The following SCD5 variants were observed in gnomAD, a reference collection of about 807,000 sequenced individuals.
SCD5 encodes stearoyl-CoA desaturase 5, also known as acyl-CoA-desaturase 4.
In SCD5, 20 loss-of-function variants were observed where a neutral mutation model predicts 30.4. That is an observed-to-expected ratio of 0.66 (90% CI 0.46 to 0.96). The LOEUF (loss-of-function observed/expected upper bound fraction) is 0.96. Ranked by LOEUF, SCD5 falls within the 40% of genes least tolerant of loss-of-function variation. The pLI is 0.00. For missense variants in SCD5, 381 were observed against 443.3 expected (o/e 0.86, Z 1.26); for synonymous variants, 173 against 176.4 (o/e 0.98, Z 0.16).
intron 3 of SCD5, among the ~76,000 whole-genome samples, chr4:82,642,774 C>A (rs1727571209): frequency 6.6e-6 from 1 of 152,250 alleles, no homozygotes. Context: ...GCACCCACTG[C>A]TGCAGACCAA....
chr4:82,758,547 C>T (rs1239082106), intron 1 of SCD5, among the ~76,000 whole-genome samples: 1 of 152,076 alleles, frequency 6.6e-6, no homozygotes, highest in African/African-American at 2.4e-5. Flanking sequence ...GGGGAAGAAA[C>T]TTAACATTCA....
At chr4:82,640,026 C>T (rs1727508930) in intron 3 of SCD5, among the ~76,000 whole-genome samples, 1 of 152,164 alleles carries the variant, frequency 6.6e-6, no homozygotes, top group South Asian at 2.1e-4. Flanking sequence ...TCATGAAGGC[C>T]CCAGGCACAG....
intron 1 of SCD5, among the ~76,000 whole-genome samples, chr4:82,720,795 T>TC (rs1331829006): frequency 6.6e-6 from 1 of 152,168 alleles, no homozygotes; most frequent in African/African-American, 2.4e-5. Context: ...CAGCCTGCAT[T>TC]CAATGCTTAG....
At position 82,756,086 on chromosome 4, in the gene SCD5, G is replaced by A. The variant is rs76514022; in HGVS notation, c.232+42220C>T. Reference sequence around the variant, plus strand: ...CTCCAGGAGGAAGGGCACAGCCTGAGATGCCTTCCTCCTCTGGGTGTCCAC... The same window carrying A: ...CTCCAGGAGGAAGGGCACAGCCTGAAATGCCTTCCTCCTCTGGGTGTCCAC... On this transcript the variant is annotated intron_variant, in intron 1 of 4. Transcript: ENST00000319540. Among the ~76,000 whole-genome samples the A allele has an allele frequency of 2.3e-4, 35 of 152,324 alleles. No individual in the cohort carries two copies. The East Asian group carries it at 6.2e-3, about 27-fold the overall frequency.
intron 3 of SCD5, among the ~76,000 whole-genome samples, chr4:82,655,543 G>A (rs987173297): frequency 1.8e-4 from 28 of 152,298 alleles, no homozygotes; most frequent in African/African-American, 6.3e-4. Flanking sequence ...TAATTAGGAT[G>A]AAAACAAAAG....
intron 1 of SCD5, among the ~76,000 whole-genome samples, chr4:82,792,309 A>G (rs892318539): frequency 4.6e-5 from 7 of 152,240 alleles, no homozygotes; most frequent in African/African-American, 1.7e-4. Context: ...AAGTACTCCA[A>G]GTCGGAGACA....
At chr4:82,759,305 C>T (rs1248882343) in intron 1 of SCD5, among the ~76,000 whole-genome samples, 3 of 152,158 alleles carry the variant, frequency 2.0e-5, no homozygotes, top group Admixed American at 2.0e-4. Context: ...CGTCTTTTTC[C>T]CCACCATGTG....
chr4:82,777,267 G>A (rs1186178087), intron 1 of SCD5, among the ~76,000 whole-genome samples: 1 of 152,236 alleles, frequency 6.6e-6, no homozygotes, highest in Non-Finnish European at 1.5e-5. Flanking sequence ...CTGAGAAAGT[G>A]TCAAGTTTCC....
Position 82,782,789 on chromosome 4 carries a change from C to A in SCD5, c.232+15517G>T, listed in dbSNP as rs1218827296. ...AAATATGTGCTGAAAGCACTTTACA[C>A]CAACGTGTGGATTCCTGTGGAGGGA... On this transcript the variant is annotated intron_variant, in intron 1 of 4. Transcript: ENST00000319540. 2.6e-5 allele frequency among the ~76,000 whole-genome samples: 4 copies of A among 152,230 alleles called. No individual in the cohort carries two copies. The East Asian group carries it at 7.7e-4, about 29-fold the overall frequency.
intron 3 of SCD5, among the ~76,000 whole-genome samples, chr4:82,644,456 G>A (rs147401994): frequency 6.6e-6 from 1 of 152,284 alleles, no homozygotes; most frequent in African/African-American, 2.4e-5. Flanking sequence ...CAGCAGAAAG[G>A]CCAACTCTCC....
At chr4:82,762,261 AT>A (rs111938937) in intron 1 of SCD5, among the ~76,000 whole-genome samples, 1 of 137,856 alleles carries the variant, frequency 7.3e-6, no homozygotes. Context: ...CAAGGGGCTA[AT>A]TTTTTTTTTA....
In SCD5 at chr4:82,721,505, T is replaced by C. The variant is rs1396811577; in HGVS notation, c.233-16092A>G. Among the ~76,000 whole-genome samples the C allele has an allele frequency of 3.3e-5, 5 of 152,170 alleles. No individual in the cohort carries two copies. The East Asian group carries it at 9.6e-4, about 29-fold the overall frequency. On this transcript the variant is annotated intron_variant, in intron 1 of 4. Coordinates refer to ENST00000319540, the MANE Select transcript of SCD5 (RefSeq NM_001037582.3). ...AATGTGACTTGACGTGGAGGTAGGG[T>C]GTTTACAGAGGTAATCAAGTTAAAA...
chr4:82,752,658 C>T (rs34826594), intron 1 of SCD5, among the ~76,000 whole-genome samples: 1 of 152,130 alleles, frequency 6.6e-6, no homozygotes, highest in Non-Finnish European at 1.5e-5. Context: ...CTCACCAAAA[C>T]TGGACCTGGA....
Position 82,798,607 on chromosome 4 carries a change from TG to T in SCD5, c.-71del. The T allele has an allele frequency of 7.3e-7, 1 of 1,370,220 alleles. No individual in the cohort carries two copies. Among genetic ancestry groups the T allele is most frequent in the East Asian group, 2.5e-5 (1 of 39,642 alleles). The allele number at this position is 1,370,220 out of a possible 1,614,324, so 84.9% of individuals were successfully genotyped here. A position where few individuals can be genotyped will look rare whatever the true frequency, so the allele number is the denominator to read the frequency against. ...GCTCTGCCCGAGCGGAGCTCGAGGG[TG>T]GGGGCGGGGGCTTCTGCCTTTTAGG... On this transcript the variant is annotated 5_prime_UTR_variant, in exon 1 of 5. Coordinates refer to ENST00000319540, the MANE Select transcript of SCD5 (RefSeq NM_001037582.3).
At chr4:82,635,617 CTT>C (rs1727410313) in intron 4 of SCD5, among the ~76,000 whole-genome samples, 2 of 16,310 alleles carry the variant, frequency 1.2e-4, no homozygotes, top group Non-Finnish European at 1.9e-4. Flanking sequence ...GAGACTCCGT[CTT>C]AAAAAAAAAA....
At position 82,711,441 on chromosome 4, in the gene SCD5, C is replaced by T. The variant is rs143190473; in HGVS notation, c.233-6028G>A. On this transcript the variant is annotated intron_variant, in intron 1 of 4. Transcript: ENST00000319540. ...TATGTACAGAATATCCAGGATGGCG[C>T]GGTGGCTCATGCCTATAATCCCAGC... 4.5e-3 allele frequency among the ~76,000 whole-genome samples: 678 copies of T among 152,242 alleles called. 12 individuals carry two copies. The highest frequency in any genetic ancestry group is 0.011 in the East Asian group (57 of 5,190).
chr4:82,679,373 G>C (rs1000604251), intron 3 of SCD5, among the ~76,000 whole-genome samples: 1 of 152,054 alleles, frequency 6.6e-6, no homozygotes, highest in East Asian at 1.9e-4. Flanking sequence ...AATTGATACC[G>C]GGTGTTTTCA....
At position 82,720,441 on chromosome 4, in the gene SCD5, T is replaced by TACAAAAAAAAAAAAAAAAAAAAAA. The variant is rs778480466; in HGVS notation, c.233-15029_233-15028insTTTTTTTTTTTTTTTTTTTTTTGT. 2.2e-4 allele frequency among the ~76,000 whole-genome samples: 17 copies of TACAAAAAAAAAAAAAAAAAAAAAA among 77,888 alleles called. 1 individual carries two copies. Among genetic ancestry groups the TACAAAAAAAAAAAAAAAAAAAAAA allele is most frequent in the African/African-American group, 3.7e-4 (7 of 18,696 alleles). The allele number at this position is 77,888 out of a possible 152,430, so 51.1% of individuals were successfully genotyped here. On this transcript the variant is annotated intron_variant, in intron 1 of 4. Coordinates refer to ENST00000319540, the MANE Select transcript of SCD5 (RefSeq NM_001037582.3). ...GATGCTGTCTCAAAAAAGGCAAAAA[T>TACAAAAAAAAAAAAAAAAAAAAAA]AAAAAAAAAAAAAAAAAAAAAAGAC... is the stretch of plus-strand genomic sequence containing the variant.
chr4:82,636,228 G>A (rs1429755551), intron 4 of SCD5, among the ~76,000 whole-genome samples: 2 of 151,850 alleles, frequency 1.3e-5, no homozygotes, highest in Non-Finnish European at 1.5e-5. Context: ...ATCACTTGGG[G>A]TCAGGAGTTT....
Sources: allele counts gnomAD v4.1 joint callset (sites outside exome capture counted in the v4.1 genomes callset), GRCh38; gene constraint gnomAD v4.1.1; transcripts MANE v1.5; gene names NCBI Gene and HGNC (gene_info 2026-07-23, HGNC 2026-07-21).